LAMA2: variants seen among roughly 807,000 people sequenced by gnomAD.
The protein encoded by LAMA2 is laminin subunit alpha 2, also known as laminin subunit alpha-2.
Under a neutral mutation model 364.8 loss-of-function variants are expected in LAMA2, and 269 were observed. The ratio of observed to expected loss-of-function variants is 0.74; its 90% CI spans 0.67 to 0.82. LAMA2 has a LOEUF of 0.82. Ranked by LOEUF, LAMA2 falls within the 40% of genes least tolerant of loss-of-function variation. LAMA2 has a pLI of 0.00. For synonymous variants in LAMA2, 1,379 were observed against 1,370.6 expected (o/e 1.01, Z -0.14); for missense variants, 3,807 against 3,873.2 (o/e 0.98, Z 0.45).
In LAMA2 at chr6:129,190,231, T is replaced by A. The variant is rs763484341; in HGVS notation, c.1494T>A (p.Ser498Arg). 2 of 1,613,666 alleles carry A rather than the reference T, an allele frequency of 1.2e-6. No individual in the cohort carries two copies. Among genetic ancestry groups the A allele is most frequent in the Non-Finnish European group, 1.7e-6 (2 of 1,179,598 alleles). The change falls in exon 11 of 65, where the codon AGT becomes AGA. Residue 498 changes from serine to arginine, a missense_variant. Ser to Arg is a moderately radical substitution (Grantham distance 110). Transcript: ENST00000421865. ...AAAATGTTGAAGGAGGAGACTGTAG[T>A]CGTTGCAAATCCGGCTTCTTCAATT... ...CKENVEGGDC[S>R]RCKSGFFNLQ...
intron 4 of LAMA2, among the ~76,000 whole-genome samples, chr6:129,105,242 C>A (rs1447515431): frequency 6.6e-6 from 1 of 152,094 alleles, no homozygotes; most frequent in Non-Finnish European, 1.5e-5. Flanking sequence ...GTGGGAACAG[C>A]TACATAACAT....
At chr6:129,384,492 G>A (rs1237772646) in intron 35 of LAMA2, among the ~76,000 whole-genome samples, 2 of 152,180 alleles carry the variant, frequency 1.3e-5, no homozygotes, top group Non-Finnish European at 2.9e-5. Context: ...GAGAATAAAT[G>A]CTAGCATATG....
At chr6:129,142,540 G>A (rs960801694) in intron 4 of LAMA2, among the ~76,000 whole-genome samples, 2 of 151,920 alleles carry the variant, frequency 1.3e-5, no homozygotes, top group Admixed American at 1.3e-4. Context: ...TAGGGGGGAG[G>A]CAAACATTCA....
intron 3 of LAMA2, among the ~76,000 whole-genome samples, chr6:129,061,509 A>G (rs1193540434): frequency 1.3e-5 from 2 of 152,134 alleles, no homozygotes; most frequent in Non-Finnish European, 2.9e-5. Flanking sequence ...TTACTAAATC[A>G]TTTCTAACTT....
In LAMA2 at chr6:129,267,218, T is replaced by C. The variant is rs373595461; in HGVS notation, c.2321T>C (p.Leu774Pro). 2.5e-6 allele frequency: 4 copies of C among 1,589,620 alleles called. No individual in the cohort carries two copies. Among genetic ancestry groups the C allele is most frequent in the Non-Finnish European group, 3.5e-6 (4 of 1,157,968 alleles). The change falls in exon 16 of 65, where the codon CTG (leucine) becomes CCG (proline). Residue 774 changes from leucine (L) to proline (P), a missense_variant and splice_region_variant. Leu to Pro is a moderately conservative substitution (Grantham distance 98, BLOSUM62 -3). Transcript: ENST00000421865. ...TGTGATGACGTCACTGGAGAATGCC[T>C]GGTAAGTGCTCTCTTCTTTGGGGAT... The part of the protein sequence containing the change: ...ESCDDVTGEC[L>P]NCKDHTGGPY...
chr6:129,019,528 A>G (rs1411899672), intron 1 of LAMA2, among the ~76,000 whole-genome samples: 1 of 151,860 alleles, frequency 6.6e-6, no homozygotes, highest in Non-Finnish European at 1.5e-5. Flanking sequence ...TTATTTTAAA[A>G]GATTTGTATT....
At chr6:128,905,907 A>C (rs1392856334) in intron 1 of LAMA2, among the ~76,000 whole-genome samples, 1 of 151,772 alleles carries the variant, frequency 6.6e-6, no homozygotes, top group Non-Finnish European at 1.5e-5. Flanking sequence ...TTCTTGTGAT[A>C]GTTTGCTGAG....
Position 129,316,182 on chromosome 6 carries a change from A to G in LAMA2, c.4058+11A>G, listed in dbSNP as rs748655373. ...CATGCGACAAAGCAGGTAAACTCTA[A>G]TAGAAAATATTCAAGCTCTTATTTT... On this transcript the variant is annotated intron_variant, in intron 27 of 64. Transcript: ENST00000421865. The G allele has an allele frequency of 1.3e-6, 2 of 1,591,580 alleles. No homozygotes were observed. The highest frequency in any genetic ancestry group is 8.6e-7 in the Non-Finnish European group (1 of 1,161,938).
rs779834223 is a variant in LAMA2 at position 129,353,359 on chromosome 6, T to C, written c.4717+2T>C. 6.2e-7 allele frequency: 1 copy of C among 1,612,918 alleles called. No homozygotes were observed. The highest frequency in any genetic ancestry group is 1.1e-5 in the South Asian group (1 of 91,040). On this transcript the variant is annotated splice_donor_variant, in intron 32 of 64. Coordinates refer to ENST00000421865, the MANE Select transcript of LAMA2 (RefSeq NM_000426.4). LOFTEE classifies it high-confidence loss of function. ...CACGCGAGGGCTGGGAGTGTGTTTG[T>C]ACGTATACTAACTTTGCTGTTAGTT...
At position 129,514,563 on chromosome 6, in the gene LAMA2, C is replaced by G. The variant is rs748644783; in HGVS notation, c.9179C>G (p.Thr3060Arg). Residue 3060 changes from threonine (T) to arginine (R), a missense_variant, in exon 64 of 65, where the codon ACA becomes AGA. Coordinates refer to ENST00000421865, the MANE Select transcript of LAMA2 (RefSeq NM_000426.4). ...AACCCAGCATCTACATCAGCTGACA[C>G]AAATGACCCTGTGTTTGTTGGAGGC... ...SPNPASTSAD[T>R]NDPVFVGGFP... 4 of 1,614,018 alleles carry G rather than the reference C, an allele frequency of 2.5e-6. No homozygotes were observed. The highest frequency in any genetic ancestry group is 1.7e-5 in the Admixed American group (1 of 59,994).
intron 18 of LAMA2, among the ~76,000 whole-genome samples, chr6:129,284,887 A>G (rs1788990411): frequency 1.3e-5 from 2 of 152,112 alleles, no homozygotes; most frequent in South Asian, 2.1e-4. Flanking sequence ...AAATATTGCA[A>G]TTTGATTTGA....
At chr6:129,105,425 G>C (rs1477889691) in intron 4 of LAMA2, among the ~76,000 whole-genome samples, 1 of 152,098 alleles carries the variant, frequency 6.6e-6, no homozygotes, top group African/African-American at 2.4e-5. Flanking sequence ...AGGAGCATTT[G>C]AAAAATAGCT....
At chr6:129,414,714 C>A (rs1217166904) in intron 40 of LAMA2, among the ~76,000 whole-genome samples, 1 of 152,124 alleles carries the variant, frequency 6.6e-6, no homozygotes, top group Non-Finnish European at 1.5e-5. Flanking sequence ...AAATTTCTTT[C>A]TTTTTCTAAA....
chr6:129,129,651 G>A (rs1475266991), intron 4 of LAMA2, among the ~76,000 whole-genome samples: 1 of 152,106 alleles, frequency 6.6e-6, no homozygotes, highest in Non-Finnish European at 1.5e-5. Context: ...TTGGCCGGGC[G>A]CGGTGGCTCA....
chr6:129,209,079 G>A (rs900918533), intron 12 of LAMA2, among the ~76,000 whole-genome samples: 4 of 152,118 alleles, frequency 2.6e-5, no homozygotes, highest in Non-Finnish European at 2.9e-5. Context: ...AGTTCCCCTA[G>A]GCCATTTACT....
intron 29 of LAMA2, among the ~76,000 whole-genome samples, chr6:129,331,050 TA>T (rs1293055378): frequency 6.6e-6 from 1 of 152,116 alleles, no homozygotes; most frequent in African/African-American, 2.4e-5. Flanking sequence ...TTTGTATTTT[TA>T]ATAGAGACGG....
intron 1 of LAMA2, among the ~76,000 whole-genome samples, chr6:128,939,290 G>A (rs1442631138): frequency 6.7e-6 from 1 of 150,110 alleles, no homozygotes; most frequent in Admixed American, 6.6e-5. Context: ...TTGTCATAAT[G>A]TATTACAGTT....
chr6:129,415,595 C>T (rs1780743894), intron 40 of LAMA2, among the ~76,000 whole-genome samples: 1 of 152,084 alleles, frequency 6.6e-6, no homozygotes, highest in African/African-American at 2.4e-5. Context: ...CCGGTAATCC[C>T]AGCACTTTGG....
chr6:129,211,619 CA>C (rs1258376867), intron 12 of LAMA2, among the ~76,000 whole-genome samples: 1 of 152,232 alleles, frequency 6.6e-6, no homozygotes, highest in African/African-American at 2.4e-5. Flanking sequence ...TTTCTTCTCA[CA>C]ATGTCCCTTC....
Sources: allele counts gnomAD v4.1 joint callset (sites outside exome capture counted in the v4.1 genomes callset), GRCh38; gene constraint gnomAD v4.1.1; transcripts MANE v1.5; gene names NCBI Gene and HGNC (gene_info 2026-07-23, HGNC 2026-07-21).